The following MICAL2 variants were observed in gnomAD, a reference collection of about 807,000 sequenced individuals.
The protein encoded by MICAL2 is [F-actin]-monooxygenase MICAL2.
A neutral mutation model predicts 127.3 loss-of-function variants in MICAL2; 77 were observed. The ratio of observed to expected loss-of-function variants is 0.60; its 90% CI spans 0.50 to 0.73. The LOEUF is 0.73. Among genes scored for constraint, MICAL2 ranks in the 30% least tolerant of loss-of-function variants. The pLI is 0.00. For missense variants in MICAL2, 1,351 were observed against 1,434.4 expected (o/e 0.94, Z 0.94); for synonymous variants, 570 against 551.1 (o/e 1.03, Z -0.48).
In MICAL2 at chr11:12,259,858, G is replaced by T. The variant is rs149443589; in HGVS notation, c.3295G>T (p.Ala1099Ser). The T allele has an allele frequency of 4.7e-5, 75 of 1,608,722 alleles. No individual in the cohort carries two copies. Among genetic ancestry groups the T allele is most frequent in the Non-Finnish European group, 6.1e-5 (72 of 1,176,636 alleles). ...AGACACTCCCACCGAAAGTTCTTGC[G>T]CAGTGGCCGCCATTGGCACCCTGGA... ...RRDTPTESSC[A>S]VAAIGTLEGS... Residue 1099 changes from alanine (A) to serine (S), a missense_variant, in exon 26 of 28, where the codon GCA becomes TCA. Ala to Ser is a moderately conservative substitution (Grantham distance 99). This residue lies in a region of MICAL2 where 752 missense variants were observed against 719.4 expected (regional missense o/e 1.05). Coordinates refer to ENST00000683283, the MANE Select transcript of MICAL2 (RefSeq NM_001282663.2).
chr11:12,361,077 A>G (rs867791626), downstream of MICAL2, among the ~76,000 whole-genome samples: 11 of 152,220 alleles, frequency 7.2e-5, no homozygotes, highest in African/African-American at 2.4e-4. Flanking sequence ...GCCCCATAAA[A>G]GGGCACTAGT....
intron 3 of MICAL2, among the ~76,000 whole-genome samples, chr11:12,199,591 G>A (rs1485191362): frequency 2.0e-5 from 3 of 152,292 alleles, no homozygotes; most frequent in East Asian, 3.9e-4. Flanking sequence ...TTGCCCACTT[G>A]TAGGCTGGTG....
chr11:12,270,074 G>A lies in MICAL2; in HGVS notation c.3335-5912G>A, dbSNP rs188070819. Among the ~76,000 whole-genome samples, 939 of 152,322 alleles carry A rather than the reference G, an allele frequency of 6.2e-3. 18 individuals are homozygous for A. The highest frequency in any genetic ancestry group is 0.017 in the Admixed American group (258 of 15,302). On this transcript the variant is annotated intron_variant, in intron 24 of 34. Coordinates refer to the MICAL2 transcript ENST00000646065. ...TCCCTAAAGGGCCACACACTGAAAAGGACTTTGGCTCTGGCATCGACTAGT... is the reference window on the plus strand; with the variant it reads ...TCCCTAAAGGGCCACACACTGAAAAAGACTTTGGCTCTGGCATCGACTAGT...
chr11:12,122,863 T>C (rs1041972350), intron 1 of MICAL2, among the ~76,000 whole-genome samples: 2 of 152,188 alleles, frequency 1.3e-5, no homozygotes, highest in African/African-American at 4.8e-5. Context: ...TCCCACTGGA[T>C]GCTTGACTCC....
At chr11:12,201,976 G>A (rs888136106) in intron 3 of MICAL2, among the ~76,000 whole-genome samples, 1 of 152,124 alleles carries the variant, frequency 6.6e-6, no homozygotes, top group Non-Finnish European at 1.5e-5. Flanking sequence ...AAAAAAATTA[G>A]CCAGGCATGG....
chr11:12,172,149 G>A (rs1856346570), intron 3 of MICAL2, among the ~76,000 whole-genome samples: 1 of 152,180 alleles, frequency 6.6e-6, no homozygotes, highest in Admixed American at 6.5e-5. Flanking sequence ...TTCAAAGCAG[G>A]AAGAAGGTAG....
chr11:12,209,018 T>C (rs970767121), intron 5 of MICAL2, among the ~76,000 whole-genome samples: 1 of 115,244 alleles, frequency 8.7e-6, no homozygotes, highest in Admixed American at 8.6e-5. Flanking sequence ...AGGCTTCACC[T>C]GATTTTTTTT....
intron 22 of MICAL2, chr11:12,252,435 G>A (rs1271792139): frequency 2.0e-5 from 3 of 152,306 alleles, no homozygotes; most frequent in African/African-American, 7.2e-5. Context: ...CTAAGTTCAA[G>A]GGATCAGACA....
At chr11:12,127,448 AG>A (rs1851035019) in intron 1 of MICAL2, among the ~76,000 whole-genome samples, 1 of 152,226 alleles carries the variant, frequency 6.6e-6, no homozygotes, top group Non-Finnish European at 1.5e-5. Context: ...ACAATAAACA[AG>A]TGAGCTAAAT....
At chr11:12,292,439 G>T (rs1203480783), downstream of MICAL2, 3 of 888,958 alleles carry the variant, frequency 3.4e-6, no homozygotes, top group East Asian at 4.9e-5. Context: ...ACTCTGTCAA[G>T]GGTCTACCCC....
intron 1 of MICAL2, among the ~76,000 whole-genome samples, chr11:12,137,754 T>A (rs573079483): frequency 1.3e-5 from 2 of 152,320 alleles, no homozygotes; most frequent in East Asian, 3.9e-4. Flanking sequence ...ATATTTTGAT[T>A]TATTTTTTAA....
intron 3 of MICAL2, among the ~76,000 whole-genome samples, chr11:12,185,324 G>A (rs962621253): frequency 6.6e-6 from 1 of 152,036 alleles, no homozygotes; most frequent in Non-Finnish European, 1.5e-5. Context: ...AATAAGCACT[G>A]CTGGGATAAA....
chr11:12,334,276 G>A (rs1938704748), intron 32 of MICAL2, among the ~76,000 whole-genome samples: 1 of 152,082 alleles, frequency 6.6e-6, no homozygotes, highest in South Asian at 2.1e-4. Flanking sequence ...ACGTCCTCTT[G>A]CATACTTGAA....
At chr11:12,276,939 T>C (rs1236470436) in intron 1 of MICAL2, among the ~76,000 whole-genome samples, 1 of 152,104 alleles carries the variant, frequency 6.6e-6, no homozygotes, top group Non-Finnish European at 1.5e-5. Context: ...TGCCTTAGAT[T>C]GGGTGGCCAG....
chr11:12,183,251 T>A (rs752955592), intron 3 of MICAL2, among the ~76,000 whole-genome samples: 1 of 152,138 alleles, frequency 6.6e-6, no homozygotes, highest in Non-Finnish European at 1.5e-5. Flanking sequence ...TGTGGTTTTG[T>A]TGCTTTGTCA....
rs1863284279 is a variant in MICAL2, at chr11:12,262,619, T to A, written c.*17+82T>A. 4 of 1,182,326 alleles carry A rather than the reference T, an allele frequency of 3.4e-6. No homozygotes were observed. In the South Asian group the frequency reaches 3.7e-5, roughly 11 times the overall value. The allele number at this position is 1,182,326 out of a possible 1,614,324, so 73.2% of individuals were successfully genotyped here. ...CGCACCCCGTCCTCTCCGCCAGCAG[T>A]ACTGGTTGCACTAACTGTGAGTGTC... On this transcript the variant is annotated intron_variant, in intron 27 of 27. Transcript: ENST00000683283.
chr11:12,257,188 C>A (rs561723614), intron 24 of MICAL2: 5 of 506,528 alleles, frequency 9.9e-6, no homozygotes, highest in African/African-American at 1.9e-5. Context: ...CACTGTGGTA[C>A]GGCATACCAG....
chr11:12,314,645 A>ATT (rs545442574), intron 29 of MICAL2, among the ~76,000 whole-genome samples: 9 of 123,028 alleles, frequency 7.3e-5, no homozygotes, highest in Middle Eastern at 4.3e-3. Flanking sequence ...TGCCCAGCTA[A>ATT]TTTTTTTTTT....
chr11:12,155,722 C>T (rs75154125), intron 2 of MICAL2, among the ~76,000 whole-genome samples: 4,570 of 152,338 alleles, frequency 0.03, 123 homozygotes, highest in Middle Eastern at 0.041. Flanking sequence ...AAAAGTCTTA[C>T]CTCCCCCACG....
Sources: gnomAD v4.1 joint callset for allele counts (sites outside exome capture counted in the v4.1 genomes callset) on GRCh38, gnomAD v4.1.1 for gene constraint, gnomAD v4.1.1 regional missense constraint, MANE v1.5 for transcripts, NCBI Gene and HGNC (gene_info 2026-07-23, HGNC 2026-07-21) for gene names.